Variants in MAGI1 observed in about 807,000 individuals in gnomAD.
MAGI1 encodes membrane associated guanylate kinase, WW and PDZ domain containing 1.
MAGI1 carries 58 observed loss-of-function variants against 139.9 expected under a neutral mutation model. The ratio of observed to expected loss-of-function variants is 0.41; its 90% CI spans 0.34 to 0.52. The LOEUF (loss-of-function observed/expected upper bound fraction) is 0.52. MAGI1 is among the 20% of genes least tolerant of loss of function. The pLI is 0.12. For missense variants in MAGI1, 1,874 were observed against 1,901.6 expected, an observed-to-expected ratio of 0.99 and a Z score of 0.27; for synonymous variants, 812 against 737.9, an observed-to-expected ratio of 1.10 and a Z score of -1.63.
rs532928604 is a variant in MAGI1 at position 65,462,393 on chromosome 3, T to C, written c.959+7890A>G. 6.6e-5 allele frequency among the ~76,000 whole-genome samples: 10 copies of C among 152,334 alleles called. No homozygotes were observed. In the South Asian group the frequency reaches 2.1e-3, roughly 32 times the overall value. ...AATAGGGAATCCTTTCCCCATTGCT[T>C]GTTTTTGTCAGGTTTGTCAAAGATC... On this transcript the variant is annotated intron_variant, in intron 5 of 22. Coordinates refer to ENST00000402939, the MANE Select transcript of MAGI1 (RefSeq NM_001033057.2).
intron 1 of MAGI1, among the ~76,000 whole-genome samples, chr3:66,010,416 C>T (rs948369677): frequency 3.3e-5 from 5 of 152,086 alleles, no homozygotes; most frequent in African/African-American, 7.2e-5. Flanking sequence ...CCTTGAACTA[C>T]GGAACTCTTA....
intron 1 of MAGI1, among the ~76,000 whole-genome samples, chr3:65,936,718 C>T (rs566049507): frequency 6.6e-6 from 1 of 151,882 alleles, no homozygotes; most frequent in South Asian, 2.1e-4. Flanking sequence ...AAGTCTCGTG[C>T]GGGGTGTGTG....
Position 65,355,533 on chromosome 3 carries a change from C to G in MAGI1, c.*845G>C, listed in dbSNP as rs528480984. On this transcript the variant is annotated 3_prime_UTR_variant, in exon 23 of 23. Coordinates refer to ENST00000402939, the MANE Select transcript of MAGI1 (RefSeq NM_001033057.2). ...ATCTACTATTCAGCCTCCAATCAGA[C>G]GAGACAACACGAAAGATGCTTGTTG... 2 of 152,554 alleles carry G rather than the reference C, an allele frequency of 1.3e-5. No homozygotes were observed. The highest frequency in any genetic ancestry group is 3.9e-4 in the East Asian group (2 of 5,158). The allele number at this position is 152,554 out of a possible 1,614,324, so 9.5% of individuals were successfully genotyped here.
chr3:66,035,310 G>T (rs1256013898), intron 1 of MAGI1, among the ~76,000 whole-genome samples: 2 of 152,164 alleles, frequency 1.3e-5, no homozygotes, highest in East Asian at 3.8e-4. Flanking sequence ...CCACCATGTA[G>T]ACAGTATCCA....
At chr3:65,397,607 T>C (rs1409681896) in intron 13 of MAGI1, among the ~76,000 whole-genome samples, 6 of 152,062 alleles carry the variant, frequency 3.9e-5, no homozygotes, top group East Asian at 1.9e-4. Flanking sequence ...CTGACAATAA[T>C]AGCTAAGTAA....
intron 1 of MAGI1, among the ~76,000 whole-genome samples, chr3:65,633,263 A>G (rs888511384): frequency 3.3e-5 from 5 of 152,170 alleles, no homozygotes; most frequent in African/African-American, 1.2e-4. Flanking sequence ...ACATGACTCC[A>G]GACACGGGGT....
intron 1 of MAGI1, among the ~76,000 whole-genome samples, chr3:65,954,843 C>T (rs1190226818): frequency 6.6e-6 from 1 of 152,144 alleles, no homozygotes; most frequent in East Asian, 1.9e-4. Context: ...CAGTGCCTGG[C>T]ACTGAGGAAG....
At chr3:65,805,024 T>A (rs12374068) in intron 1 of MAGI1, among the ~76,000 whole-genome samples, 24,841 of 152,088 alleles carry the variant, frequency 0.16, 3,744 homozygotes, top group African/African-American at 0.41. Flanking sequence ...GATATAGGCA[T>A]GGGAAAAGAT....
In MAGI1 at chr3:65,622,053, T is replaced by G. The variant is rs1428778834; in HGVS notation, c.349A>C (p.Asn117His). The change falls in exon 2 of 23, where the codon AAT (asparagine) becomes CAT (histidine). Residue 117 changes from asparagine to histidine, a missense_variant. Transcript: ENST00000402939. ...RLNKDLRHFL[N>H]QRFQKGSPDH... ...GGAGACCCCTTCTGGAATCGCTGAT[T>G]GAGAAAATGTCGCAGGTCCTTGTTC... The G allele has an allele frequency of 3.7e-6, 6 of 1,613,640 alleles. No homozygotes were observed. Among genetic ancestry groups the G allele is most frequent in the Non-Finnish European group, 5.1e-6 (6 of 1,179,734 alleles).
At chr3:66,018,174 G>A (rs2067769145) in intron 1 of MAGI1, among the ~76,000 whole-genome samples, 1 of 150,230 alleles carries the variant, frequency 6.7e-6, no homozygotes, top group Admixed American at 6.8e-5. Context: ...AGCCTGGCTG[G>A]AACAAAATAC....
intron 1 of MAGI1, among the ~76,000 whole-genome samples, chr3:65,646,805 A>G (rs2085289558): frequency 6.6e-6 from 1 of 152,146 alleles, no homozygotes; most frequent in Non-Finnish European, 1.5e-5. Flanking sequence ...CTCATGGATC[A>G]AAGGGAAAAT....
intron 2 of MAGI1, among the ~76,000 whole-genome samples, chr3:65,587,421 G>A (rs573493968): frequency 6.6e-6 from 1 of 151,488 alleles, no homozygotes; most frequent in Admixed American, 6.6e-5. Context: ...CTCGAAGTAT[G>A]GTGTCTACTG....
At chr3:65,730,469 G>A (rs1239794273) in intron 1 of MAGI1, among the ~76,000 whole-genome samples, 1 of 152,176 alleles carries the variant, frequency 6.6e-6, no homozygotes, top group Non-Finnish European at 1.5e-5. Flanking sequence ...CTTTACTAAG[G>A]AAGGGAATCT....
intron 1 of MAGI1, among the ~76,000 whole-genome samples, chr3:65,795,746 G>C (rs758762870): frequency 7.0e-6 from 1 of 142,920 alleles, no homozygotes; most frequent in East Asian, 2.2e-4. Context: ...GAGAGAGATA[G>C]AGATTTAAGA....
At chr3:65,798,330 AACAAAC>A (rs1307979505) in intron 1 of MAGI1, among the ~76,000 whole-genome samples, 7 of 152,018 alleles carry the variant, frequency 4.6e-5, no homozygotes, top group Non-Finnish European at 8.8e-5. Context: ...CAAACAAACA[AACAAAC>A]ACAGCCTCAG....
intron 1 of MAGI1, among the ~76,000 whole-genome samples, chr3:65,686,979 C>A (rs1559786693): frequency 6.6e-6 from 1 of 152,194 alleles, no homozygotes; most frequent in East Asian, 1.9e-4. Flanking sequence ...ATAGCTGAAA[C>A]ATTCACAGTG....
At chr3:65,515,577 A>C (rs185024103) in intron 2 of MAGI1, among the ~76,000 whole-genome samples, 20 of 152,332 alleles carry the variant, frequency 1.3e-4, no homozygotes, top group African/African-American at 4.8e-4. Context: ...TTCAGATATA[A>C]AAAGTTAATG....
intron 1 of MAGI1, among the ~76,000 whole-genome samples, chr3:65,982,080 T>C (rs2065612368): frequency 6.6e-6 from 1 of 152,230 alleles, no homozygotes; most frequent in African/African-American, 2.4e-5. Flanking sequence ...ACTTTCACTA[T>C]GTAACTTAAA....
At position 65,473,480 on chromosome 3, in the gene MAGI1, G is replaced by C. The variant is rs1037708156; in HGVS notation, c.758-2996C>G. Among the ~76,000 whole-genome samples, 23 of 152,046 alleles carry C rather than the reference G, an allele frequency of 1.5e-4. 1 individual carries two copies. Among genetic ancestry groups the C allele is most frequent in the Admixed American group, 1.5e-3 (23 of 15,262 alleles). Reference sequence around the variant, plus strand: ...ACTCGGTGACAGCCTTTTCAATTAGGAGGCAGTAAACTGTTAGGATGATAA... The same window carrying C: ...ACTCGGTGACAGCCTTTTCAATTAGCAGGCAGTAAACTGTTAGGATGATAA... On this transcript the variant is annotated intron_variant, in intron 4 of 22. Coordinates refer to ENST00000402939, the MANE Select transcript of MAGI1 (RefSeq NM_001033057.2).
Sources: allele counts gnomAD v4.1 joint callset (sites outside exome capture counted in the v4.1 genomes callset), GRCh38; gene constraint gnomAD v4.1.1; transcripts MANE v1.5; gene names NCBI Gene and HGNC (gene_info 2026-07-23, HGNC 2026-07-21).